ROBO1: variants seen among roughly 807,000 people sequenced by gnomAD.
ROBO1 encodes roundabout guidance receptor 1, also known as roundabout homolog 1.
ROBO1 carries 149 observed loss-of-function variants against 195.9 expected under a neutral mutation model. That is an observed-to-expected ratio of 0.76 (90% CI 0.67 to 0.87). The LOEUF (loss-of-function observed/expected upper bound fraction) is 0.87, where lower values mean the gene tolerates loss of function less well. ROBO1 is among the 40% of genes least tolerant of loss of function. The pLI is 0.00. For synonymous variants in ROBO1, 816 were observed against 733.2 expected (o/e 1.11, Z -1.82); for missense variants, 1,933 against 2,068.3 (o/e 0.93, Z 1.27).
At position 79,488,291 on chromosome 3, in the gene ROBO1, G is replaced by T. The variant is rs115158729; in HGVS notation, c.88+101533C>A. On this transcript the variant is annotated intron_variant, in intron 2 of 30. Transcript: ENST00000464233. The stretch of plus-strand genomic sequence containing the variant: ...ATTCTCTGTCTCTTCCCCTCCGTTT[G>T]CCCAACAAATGGAGGGGGAATTTTT... 4.5e-3 allele frequency among the ~76,000 whole-genome samples: 682 copies of T among 152,200 alleles called. 4 individuals are homozygous for T. The highest frequency in any genetic ancestry group is 0.015 in the African/African-American group (604 of 41,526).
intron 3 of ROBO1, among the ~76,000 whole-genome samples, chr3:78,993,645 C>T (rs1441787651): frequency 1.3e-5 from 2 of 152,154 alleles, no homozygotes; most frequent in African/African-American, 2.4e-5. Context: ...ACCTTTACAA[C>T]GTGAATCACA....
At chr3:79,278,864 C>A in intron 2 of ROBO1, among the ~76,000 whole-genome samples, 1 of 152,088 alleles carries the variant, frequency 6.6e-6, no homozygotes, top group Non-Finnish European at 1.5e-5. Flanking sequence ...TGAAAAGTTT[C>A]TGTACAGCAT....
intron 1 of ROBO1, among the ~76,000 whole-genome samples, chr3:79,754,537 A>T (rs1665967142): frequency 6.6e-6 from 1 of 152,206 alleles, no homozygotes; most frequent in African/African-American, 2.4e-5. Context: ...AATGAGAAGA[A>T]GATCCTGCGA....
chr3:79,577,997 AAG>A (rs1378562119), intron 2 of ROBO1, among the ~76,000 whole-genome samples: 2 of 152,082 alleles, frequency 1.3e-5, no homozygotes, highest in Admixed American at 1.3e-4. Context: ...AGTGGGCAAA[AAG>A]TCTGAACAAA....
At chr3:78,785,421 ATTT>A (rs994280326) in intron 4 of ROBO1, among the ~76,000 whole-genome samples, 7 of 152,248 alleles carry the variant, frequency 4.6e-5, no homozygotes, top group South Asian at 2.1e-4. Flanking sequence ...AATCGCTATC[ATTT>A]ATTATTTTAC....
intron 1 of ROBO1, among the ~76,000 whole-genome samples, chr3:79,609,718 G>A (rs1171220867): frequency 2.6e-5 from 4 of 151,912 alleles, no homozygotes; most frequent in South Asian, 2.1e-4. Flanking sequence ...AAGAACCATC[G>A]AGACATTATG....
At position 78,929,633 on chromosome 3, in the gene ROBO1, G is replaced by T. The variant is rs567384744; in HGVS notation, c.499+8968C>A. ...TCCTTCCACCTCAGCCTCCTGTGTAGCTGGGATTACAGGCATGCACCACCA... is the reference window on the plus strand; with the variant it reads ...TCCTTCCACCTCAGCCTCCTGTGTATCTGGGATTACAGGCATGCACCACCA... On this transcript the variant is annotated intron_variant, in intron 4 of 30. Transcript: ENST00000464233. 4.6e-5 allele frequency among the ~76,000 whole-genome samples: 7 copies of T among 151,938 alleles called. No homozygotes were observed. In the South Asian group the frequency reaches 1.5e-3, roughly 32 times the overall value.
chr3:78,769,618 GTTTTT>G (rs34157314), intron 4 of ROBO1, among the ~76,000 whole-genome samples: 1 of 84,006 alleles, frequency 1.2e-5, no homozygotes, highest in Admixed American at 1.3e-4. Context: ...GTGTACTTTG[GTTTTT>G]TTTTTTTTTT....
chr3:79,524,483 T>C (rs1182945253), intron 2 of ROBO1, among the ~76,000 whole-genome samples: 1 of 152,094 alleles, frequency 6.6e-6, no homozygotes, highest in Non-Finnish European at 1.5e-5. Flanking sequence ...TATATATGTA[T>C]GTGCATATGT....
chr3:78,620,883 A>ATATATG (rs368794312), intron 26 of ROBO1, among the ~76,000 whole-genome samples: 2 of 144,624 alleles, frequency 1.4e-5, no homozygotes, highest in Non-Finnish European at 3.0e-5. Flanking sequence ...ATATATATAT[A>ATATATG]TGTGTGTGTG....
intron 1 of ROBO1, among the ~76,000 whole-genome samples, chr3:79,676,861 A>G (rs1456244596): frequency 6.6e-6 from 1 of 152,094 alleles, no homozygotes; most frequent in Non-Finnish European, 1.5e-5. Flanking sequence ...TGTCTGCTGC[A>G]AAACAAATGG....
At chr3:79,103,062 A>T (rs2079709001) in intron 3 of ROBO1, among the ~76,000 whole-genome samples, 1 of 151,810 alleles carries the variant, frequency 6.6e-6, no homozygotes, top group African/African-American at 2.4e-5. Context: ...AGATTCAATC[A>T]CATTATTTGA....
chr3:79,728,418 A>G (rs1332809828), intron 1 of ROBO1, among the ~76,000 whole-genome samples: 1 of 152,110 alleles, frequency 6.6e-6, no homozygotes, highest in African/African-American at 2.4e-5. Flanking sequence ...CATTAATTTC[A>G]TCCCCTCTCA....
chr3:79,336,284 A>G (rs1184434359), intron 2 of ROBO1, among the ~76,000 whole-genome samples: 1 of 152,142 alleles, frequency 6.6e-6, no homozygotes, highest in Non-Finnish European at 1.5e-5. Context: ...AATCCCTCCC[A>G]TCACAGGCCT....
chr3:79,571,290 T>A (rs1576044436), intron 2 of ROBO1, among the ~76,000 whole-genome samples: 1 of 152,142 alleles, frequency 6.6e-6, no homozygotes, highest in African/African-American at 2.4e-5. Context: ...TTACTAAAAG[T>A]CAGATATTTA....
chr3:78,846,140 T>G (rs2033657128), intron 4 of ROBO1, among the ~76,000 whole-genome samples: 1 of 152,112 alleles, frequency 6.6e-6, no homozygotes, highest in Non-Finnish European at 1.5e-5. Flanking sequence ...ATCTAATGTG[T>G]AATCTTTTTT....
intron 2 of ROBO1, among the ~76,000 whole-genome samples, chr3:79,346,615 G>A (rs986231127): frequency 1.3e-5 from 2 of 151,964 alleles, no homozygotes; most frequent in African/African-American, 4.8e-5. Flanking sequence ...TCTATGTAGA[G>A]ATCAATCTAC....
chr3:79,452,259 T>C (rs558550884), intron 2 of ROBO1, among the ~76,000 whole-genome samples: 14 of 152,164 alleles, frequency 9.2e-5, no homozygotes, highest in East Asian at 7.7e-4. Context: ...AAATACAAAG[T>C]TTTTTAACTT....
chr3:78,938,585 C>T lies in ROBO1; in HGVS notation c.499+16G>A, dbSNP rs766776162. On this transcript the variant is annotated intron_variant, in intron 4 of 30. Transcript: ENST00000464233. ...GCCACTCCCTCTGCCAAACACAGAGCGCCCAGTTTACTTACTGGCTACTTC... is the reference window on the plus strand; with the variant it reads ...GCCACTCCCTCTGCCAAACACAGAGTGCCCAGTTTACTTACTGGCTACTTC... 75 of 1,589,796 alleles carry T rather than the reference C, an allele frequency of 4.7e-5. No homozygotes were observed. The highest frequency in any genetic ancestry group is 2.9e-4 in the East Asian group (13 of 44,528).
Sources: allele counts gnomAD v4.1 joint callset (sites outside exome capture counted in the v4.1 genomes callset), GRCh38; gene constraint gnomAD v4.1.1; transcripts MANE v1.5; gene names NCBI Gene and HGNC (gene_info 2026-07-23, HGNC 2026-07-21).